DCUN1D4: variants seen among roughly 807,000 people sequenced by gnomAD.
The protein encoded by DCUN1D4 is defective in cullin neddylation 1 domain containing 4.
Under a neutral mutation model 47.9 loss-of-function variants are expected in DCUN1D4, and 22 were observed. The observed-to-expected ratio is 0.46, with a 90% confidence interval of 0.33 to 0.66. The LOEUF (loss-of-function observed/expected upper bound fraction) is 0.66, where lower values mean the gene tolerates loss of function less well. DCUN1D4 is among the 30% of genes least tolerant of loss of function. The probability of loss-of-function intolerance (pLI) is 0.02; values close to 1 mark genes in which losing one functional copy is unlikely to be tolerated. For missense variants in DCUN1D4, 301 were observed against 340.8 expected (o/e 0.88, Z 0.92); for synonymous variants, 121 against 112.2 (o/e 1.08, Z -0.50).
chr4:51,906,444 A>G (rs1288964832), intron 8 of DCUN1D4, among the ~76,000 whole-genome samples: 1 of 152,204 alleles, frequency 6.6e-6, no homozygotes, highest in Non-Finnish European at 1.5e-5. Context: ...ATCTCCTGCA[A>G]TCATTTGGAT....
chr4:51,900,366 T>C (rs992714667), intron 8 of DCUN1D4, among the ~76,000 whole-genome samples: 10 of 152,196 alleles, frequency 6.6e-5, no homozygotes, highest in African/African-American at 2.4e-4. Context: ...TAGAAATTTA[T>C]TGATGTTAAA....
intron 9 of DCUN1D4, among the ~76,000 whole-genome samples, chr4:51,912,046 C>T (rs922952219): frequency 1.3e-5 from 2 of 152,108 alleles, no homozygotes; most frequent in Admixed American, 6.5e-5. Flanking sequence ...TCTTTGAGAA[C>T]TGTTATTAAA....
chr4:51,833,939 T>C, the DCUN1D4 span, among the ~76,000 whole-genome samples: 1 of 151,718 alleles, frequency 6.6e-6, no homozygotes, highest in African/African-American at 2.4e-5. Flanking sequence ...TGGATGAGGA[T>C]TTGTATACCA....
rs1731778737 is a variant in DCUN1D4 at position 51,899,521 on chromosome 4, A to C, written c.615+143A>C. ...GATGCTAGTTAGTATTTCTTTCTAC[A>C]TGTATGCTTTTGAAAACTAAGTTTG... On this transcript the variant is annotated intron_variant, in intron 8 of 10. Coordinates refer to ENST00000334635, the MANE Select transcript of DCUN1D4 (RefSeq NM_001040402.3). 24 of 1,455,578 alleles carry C rather than the reference A, an allele frequency of 1.6e-5. No individual in the cohort carries two copies. The South Asian group carries it at 3.3e-4, about 20-fold the overall frequency. 90.2% of individuals were successfully genotyped at this position (1,455,578 alleles called of 1,614,324 possible).
the DCUN1D4 span, among the ~76,000 whole-genome samples, chr4:51,835,820 C>A: frequency 3.3e-5 from 5 of 152,072 alleles, no homozygotes; most frequent in East Asian, 5.8e-4. Context: ...TGACTAGACC[C>A]CTGTTTGGAG....
intron 5 of DCUN1D4, among the ~76,000 whole-genome samples, chr4:51,883,399 G>T (rs181771392): frequency 1.7e-4 from 26 of 152,268 alleles, no homozygotes; most frequent in Admixed American, 5.9e-4. Context: ...TCATGTGAAT[G>T]AATTGATGTG....
intron 1 of DCUN1D4, chr4:51,845,263 C>G (rs561373990): frequency 2.3e-4 from 225 of 985,040 alleles, no homozygotes; most frequent in Non-Finnish European, 2.7e-4. Flanking sequence ...ACCCTTGTAA[C>G]GATAATATAA....
At chr4:51,847,592 T>C (rs1388741936) in intron 1 of DCUN1D4, among the ~76,000 whole-genome samples, 3 of 152,024 alleles carry the variant, frequency 2.0e-5, no homozygotes, top group African/African-American at 4.8e-5. Context: ...TACAGTGTTA[T>C]AATAACCAGC....
At chr4:51,865,694 G>A (rs546068027) in intron 3 of DCUN1D4, among the ~76,000 whole-genome samples, 9 of 152,156 alleles carry the variant, frequency 5.9e-5, no homozygotes, top group African/African-American at 2.2e-4. Flanking sequence ...TCATTTAATG[G>A]TGCATTTTGG....
intron 7 of DCUN1D4, among the ~76,000 whole-genome samples, chr4:51,895,151 A>G (rs1731041314): frequency 1.3e-5 from 2 of 151,940 alleles, no homozygotes; most frequent in South Asian, 4.2e-4. Flanking sequence ...TACAAATTTC[A>G]GGGGGATACA....
At chr4:51,891,195 T>C (rs1042579232) in intron 6 of DCUN1D4, among the ~76,000 whole-genome samples, 1 of 152,272 alleles carries the variant, frequency 6.6e-6, no homozygotes, top group Non-Finnish European at 1.5e-5. Context: ...CCTTGCTGTT[T>C]CACTTAATAC....
At chr4:51,851,709 C>G (rs966941433) in intron 1 of DCUN1D4, among the ~76,000 whole-genome samples, 2 of 152,098 alleles carry the variant, frequency 1.3e-5, no homozygotes, top group Admixed American at 6.5e-5. Context: ...GGGACTAACA[C>G]GAATTCAGTG....
At chr4:51,905,396 A>C (rs755311759) in intron 8 of DCUN1D4, 14 of 251,850 alleles carry the variant, frequency 5.6e-5, no homozygotes, top group African/African-American at 2.0e-4. Context: ...TGCTAGAAGA[A>C]GACGGTGGAA....
intron 6 of DCUN1D4, chr4:51,887,360 A>G: frequency 4.2e-6 from 1 of 235,800 alleles, no homozygotes; most frequent in Non-Finnish European, 8.5e-6. Context: ...TCAGCCTCCC[A>G]AAGTGCTGGG....
chr4:51,906,828 C>T (rs2110125440), intron 8 of DCUN1D4, among the ~76,000 whole-genome samples: 1 of 152,298 alleles, frequency 6.6e-6, no homozygotes, highest in African/African-American at 2.4e-5. Flanking sequence ...TTCCTTACTT[C>T]TGAGGGAAGC....
intron 1 of DCUN1D4, among the ~76,000 whole-genome samples, chr4:51,861,624 TTC>T (rs1469733506): frequency 4.6e-5 from 7 of 152,186 alleles, no homozygotes; most frequent in Non-Finnish European, 1.0e-4. Context: ...AAGCCCCTTT[TTC>T]TCTCCCCTCC....
intron 1 of DCUN1D4, among the ~76,000 whole-genome samples, chr4:51,855,318 A>G (rs1181577698): frequency 6.6e-6 from 1 of 152,168 alleles, no homozygotes; most frequent in Non-Finnish European, 1.5e-5. Context: ...TGTTTGCACA[A>G]CTCTGAATAT....
At chr4:51,888,640 A>AC (rs1729916756) in intron 6 of DCUN1D4, among the ~76,000 whole-genome samples, 1 of 148,674 alleles carries the variant, frequency 6.7e-6, no homozygotes, top group Admixed American at 6.9e-5. Context: ...AATCGCTTGA[A>AC]CCCAGGAGGT....
chr4:51,846,181 A>G (rs1722521158), intron 1 of DCUN1D4, among the ~76,000 whole-genome samples: 1 of 152,156 alleles, frequency 6.6e-6, no homozygotes, highest in African/African-American at 2.4e-5. Context: ...CTAGGCTCCT[A>G]CACACTTTCT....
Sources: gnomAD v4.1 joint callset for allele counts (sites outside exome capture counted in the v4.1 genomes callset) on GRCh38, gnomAD v4.1.1 for gene constraint, MANE v1.5 for transcripts, NCBI Gene and HGNC (gene_info 2026-07-23, HGNC 2026-07-21) for gene names.